The following FBN2 variants were observed in gnomAD, a reference collection of about 807,000 sequenced individuals.
The protein encoded by FBN2 is fibrillin-2.
Under a neutral mutation model 355.6 loss-of-function variants are expected in FBN2, and 105 were observed. The ratio of observed to expected loss-of-function variants is 0.30; its 90% CI spans 0.25 to 0.35. The LOEUF (loss-of-function observed/expected upper bound fraction) is 0.35, where lower values mean the gene tolerates loss of function less well. FBN2 is among the 10% of genes least tolerant of loss of function. The pLI, the probability that FBN2 is intolerant of heterozygous loss-of-function variation, is 1.00. For missense variants in FBN2, 3,280 were observed against 3,758.7 expected (o/e 0.87, Z 3.33); for synonymous variants, 1,350 against 1,301.2 (o/e 1.04, Z -0.81).
At chr5:128,289,635 CTGTG>C (rs1410035949) in intron 51 of FBN2, among the ~76,000 whole-genome samples, 2 of 151,926 alleles carry the variant, frequency 1.3e-5, no homozygotes, top group Non-Finnish European at 2.9e-5. Context: ...TATGCCAGTA[CTGTG>C]TATGTCTATT....
intron 37 of FBN2, 127 bp downstream of exon 37, chr5:128,312,507 G>A: frequency 1.1e-6 from 1 of 921,674 alleles, no homozygotes; most frequent in Non-Finnish European, 1.7e-6. Context: ...ATCACTGAAA[G>A]TAGTTCAAAT....
chr5:128,487,343 A>G (rs1417546953), intron 5 of FBN2, among the ~76,000 whole-genome samples: 1 of 152,162 alleles, frequency 6.6e-6, no homozygotes, highest in Non-Finnish European at 1.5e-5. Flanking sequence ...ATTAAGTAAA[A>G]CAAGCCACAG....
In FBN2 at chr5:128,318,973, A is replaced by T. The variant is rs1750290013; in HGVS notation, c.4500T>A (p.Ile1500=). Residue 1500 remains isoleucine, a synonymous_variant, in exon 35 of 65, where the codon ATT becomes ATA. Transcript: ENST00000262464. Reference sequence around the variant, plus strand: ...GGTTATTACATGTTCCAAAGACACAAATGTTTTGGAAGGAGCATTCATCAA... The same window carrying T: ...GGTTATTACATGTTCCAAAGACACATATGTTTTGGAAGGAGCATTCATCAA... The part of the protein sequence containing the change: ...QDIDECSFQN[I]CVFGTCNNLP... The T allele has an allele frequency of 6.2e-7, 1 of 1,608,250 alleles. No homozygotes were observed.
intron 7 of FBN2, among the ~76,000 whole-genome samples, chr5:128,439,345 C>T (rs983999846): frequency 2.6e-5 from 4 of 152,112 alleles, no homozygotes; most frequent in African/African-American, 9.7e-5. Context: ...CACTTTTATA[C>T]TCTTATCAGG....
chr5:128,263,562 G>A lies in FBN2; in HGVS notation c.8055C>T (p.Ser2685=). 5 of 1,614,160 alleles carry A rather than the reference G, an allele frequency of 3.1e-6. No individual in the cohort carries two copies. The highest frequency in any genetic ancestry group is 4.2e-6 in the Non-Finnish European group (5 of 1,180,012). ...GGCAGGCACTGGAGAACTGGTCGAA[G>A]GAGAACCCCGAGGGGCAGGCGCACT... ...SYKCACPSGF[S]FDQFSSACHD... Residue 2685 remains serine, a synonymous_variant, in exon 63 of 65, where the codon TCC becomes TCT. Coordinates refer to ENST00000262464, the MANE Select transcript of FBN2 (RefSeq NM_001999.4).
chr5:128,419,294 A>C (rs1351691916), intron 7 of FBN2, among the ~76,000 whole-genome samples: 2 of 152,146 alleles, frequency 1.3e-5, no homozygotes, highest in East Asian at 3.9e-4. Context: ...CAGTCCGGGT[A>C]ACTTTTATTT....
At chr5:128,366,892 G>C (rs1751785407) in intron 16 of FBN2, among the ~76,000 whole-genome samples, 1 of 152,090 alleles carries the variant, frequency 6.6e-6, no homozygotes, top group African/African-American at 2.4e-5. Flanking sequence ...TTTTACAACT[G>C]AGGAAAAGGG....
At chr5:128,512,097 A>G (rs1413513706) in intron 5 of FBN2, among the ~76,000 whole-genome samples, 2 of 152,196 alleles carry the variant, frequency 1.3e-5, no homozygotes, top group African/African-American at 4.8e-5. Context: ...TTTCCAGTCA[A>G]TCTGTACCGT....
intron 9 of FBN2, among the ~76,000 whole-genome samples, 199 bp from the exon 10 acceptor site, chr5:128,393,567 A>G (rs1581260625): frequency 6.6e-6 from 1 of 152,394 alleles, no homozygotes; most frequent in Non-Finnish European, 1.5e-5. Flanking sequence ...TTTAAAACCT[A>G]TATTGTCACA....
At chr5:128,505,880 ATGGGCATT>A (rs1294265857) in intron 5 of FBN2, among the ~76,000 whole-genome samples, 1 of 152,142 alleles carries the variant, frequency 6.6e-6, no homozygotes, top group Non-Finnish European at 1.5e-5. Flanking sequence ...TTATCTGCTG[ATGGGCATT>A]TGGGTTGTTT....
At chr5:128,453,233 T>C (rs1037995796) in intron 6 of FBN2, among the ~76,000 whole-genome samples, 2 of 152,232 alleles carry the variant, frequency 1.3e-5, no homozygotes, top group African/African-American at 4.8e-5. Context: ...TGGTTCTATC[T>C]CGATCTTATC....
At chr5:128,366,291 T>A in intron 17 of FBN2, 86 bp downstream of exon 17, 1 of 658,730 alleles carries the variant, frequency 1.5e-6, no homozygotes, top group Non-Finnish European at 2.6e-6. Context: ...ATTTTCATAT[T>A]AAATATACTC....
chr5:128,364,087 C>T (rs1751707065), intron 18 of FBN2, among the ~76,000 whole-genome samples: 1 of 152,118 alleles, frequency 6.6e-6, no homozygotes, highest in African/African-American at 2.4e-5. Context: ...ACCTTTTCAT[C>T]CTCCTCCTCT....
At position 128,338,131 on chromosome 5, in the gene FBN2, TAA is replaced by T. The variant is rs1561777992; in HGVS notation, c.3473-11_3473-10del. On this transcript the variant is annotated splice_polypyrimidine_tract_variant and intron_variant, in intron 26 of 64. Transcript: ENST00000262464. ...TTCACATTCGTCAATGTCTGAAAGG[TAA>T]AAACGTGAGATCCATTAAAGAACTC... 5 of 1,613,624 alleles carry T rather than the reference TAA, an allele frequency of 3.1e-6. No individual in the cohort carries two copies. The highest frequency in any genetic ancestry group is 4.2e-6 in the Non-Finnish European group (5 of 1,179,702).
chr5:128,457,881 A>T (rs1010764247), intron 6 of FBN2, among the ~76,000 whole-genome samples: 1 of 152,140 alleles, frequency 6.6e-6, no homozygotes, highest in African/African-American at 2.4e-5. Context: ...AAGACCAATA[A>T]CACTATGAAG....
At chr5:128,360,681 A>G (rs1000178620) in intron 19 of FBN2, among the ~76,000 whole-genome samples, 2 of 151,904 alleles carry the variant, frequency 1.3e-5, no homozygotes, top group Non-Finnish European at 2.9e-5. Context: ...ATGTTTTGGC[A>G]TCTTGTTCTA....
In FBN2 at chr5:128,278,712, T is replaced by C; in HGVS notation, c.7268A>G (p.Glu2423Gly). The C allele has an allele frequency of 6.2e-7, 1 of 1,614,170 alleles. No homozygotes were observed. The highest frequency in any genetic ancestry group is 8.5e-7 in the Non-Finnish European group (1 of 1,180,022). ...GGCAGTTCCAGGAAGTGGGCAAAGC[T>C]CGCACTGGTGGCCCCAGCCTCGCCC... The part of the protein sequence containing the change: ...DGGRGWGHQC[E>G]LCPLPGTAQY... Residue 2423 changes from glutamate (E) to glycine (G), a missense_variant, in exon 57 of 65, where the codon GAG becomes GGG. Physicochemically the swap from Glu to Gly is moderately conservative, Grantham distance 98. Around this residue, in one of 6 missense-constraint regions of FBN2, gnomAD observed 2,284 missense variants for 2,749.5 expected, o/e 0.83. Coordinates refer to ENST00000262464, the MANE Select transcript of FBN2 (RefSeq NM_001999.4).
intron 6 of FBN2, among the ~76,000 whole-genome samples, chr5:128,458,271 C>T (rs1189301544): frequency 6.7e-6 from 1 of 150,294 alleles, no homozygotes; most frequent in Non-Finnish European, 1.5e-5. Flanking sequence ...AGAGCTAACT[C>T]TTCTGTTGAA....
At chr5:128,504,612 C>A (rs1352731777) in intron 5 of FBN2, among the ~76,000 whole-genome samples, 3 of 152,160 alleles carry the variant, frequency 2.0e-5, no homozygotes, top group East Asian at 3.9e-4. Flanking sequence ...TTGTTTTGAC[C>A]AATTTGTCCC....
Sources: gnomAD v4.1 joint callset for allele counts (sites outside exome capture counted in the v4.1 genomes callset) on GRCh38, gnomAD v4.1.1 for gene constraint, gnomAD v4.1.1 regional missense constraint, MANE v1.5 for transcripts, NCBI Gene and HGNC (gene_info 2026-07-23, HGNC 2026-07-21) for gene names.